FHIP1A: variants seen among roughly 807,000 people sequenced by gnomAD.
The protein encoded by FHIP1A is FHF complex subunit HOOK interacting protein 1A.
A neutral mutation model predicts 88.6 loss-of-function variants in FHIP1A; 61 were observed. The ratio of observed to expected loss-of-function variants is 0.69; its 90% CI spans 0.56 to 0.85. The LOEUF is 0.85. Ranked by LOEUF, FHIP1A falls within the 40% of genes least tolerant of loss-of-function variation. FHIP1A has a pLI of 0.00. For missense variants in FHIP1A, 1,154 were observed against 1,273.5 expected (o/e 0.91, Z 1.43); for synonymous variants, 478 against 496.0 (o/e 0.96, Z 0.48).
intron 4 of FHIP1A, among the ~76,000 whole-genome samples, chr4:151,566,789 T>C (rs2126772789): frequency 6.6e-6 from 1 of 152,298 alleles, no homozygotes; most frequent in South Asian, 2.1e-4. Context: ...TCAAATGCCT[T>C]ATGTCATTTA....
chr4:151,469,009 G>A (rs1729423007), intron 2 of FHIP1A, among the ~76,000 whole-genome samples: 1 of 152,130 alleles, frequency 6.6e-6, no homozygotes, highest in South Asian at 2.1e-4. Flanking sequence ...AGAAAAATAA[G>A]CTTTGCTTGA....
At chr4:151,519,798 C>T (rs1311425541) in intron 3 of FHIP1A, among the ~76,000 whole-genome samples, 1 of 152,064 alleles carries the variant, frequency 6.6e-6, no homozygotes, top group African/African-American at 2.4e-5. Context: ...TTCTGTTGCT[C>T]CATATCCTGG....
At chr4:151,471,129 A>G (rs1398695125) in intron 2 of FHIP1A, among the ~76,000 whole-genome samples, 3 of 152,100 alleles carry the variant, frequency 2.0e-5, no homozygotes, top group Non-Finnish European at 4.4e-5. Context: ...CTCCAGGGCC[A>G]TTTACCAATC....
chr4:151,491,929 G>T (rs1044811420), intron 3 of FHIP1A, among the ~76,000 whole-genome samples: 4 of 152,228 alleles, frequency 2.6e-5, no homozygotes, highest in Admixed American at 2.0e-4. Context: ...AATGATGAAA[G>T]AATTAGTCCA....
At chr4:151,557,615 G>T (rs566962239) in intron 3 of FHIP1A, among the ~76,000 whole-genome samples, 46 of 152,330 alleles carry the variant, frequency 3.0e-4, no homozygotes, top group African/African-American at 1.1e-3. Flanking sequence ...GAGGCTTTTG[G>T]ATAAATTAAT....
At chr4:151,569,845 C>T (rs1022546090) in intron 4 of FHIP1A, among the ~76,000 whole-genome samples, 2 of 152,086 alleles carry the variant, frequency 1.3e-5, no homozygotes, top group African/African-American at 4.8e-5. Flanking sequence ...CCTTAAATGG[C>T]CCAGTGGTGC....
At position 151,541,898 on chromosome 4, in the gene FHIP1A, C is replaced by G. The variant is rs142543014; in HGVS notation, c.-122-24240C>G. Among the ~76,000 whole-genome samples the G allele has an allele frequency of 1.8e-3, 268 of 152,276 alleles. 2 individuals are homozygous for G. Among genetic ancestry groups the G allele is most frequent in the African/African-American group, 6.3e-3 (260 of 41,560 alleles). Reference sequence around the variant, plus strand: ...TACTACAGTACGCCTTTTCGGTCATCAAGCATTGCTTATGCAGAGTACAAT... The same window carrying G: ...TACTACAGTACGCCTTTTCGGTCATGAAGCATTGCTTATGCAGAGTACAAT... On this transcript the variant is annotated intron_variant, in intron 3 of 13. Transcript: ENST00000435205.
chr4:151,602,946 G>A (rs1471494993), intron 7 of FHIP1A, among the ~76,000 whole-genome samples: 1 of 152,194 alleles, frequency 6.6e-6, no homozygotes, highest in Non-Finnish European at 1.5e-5. Flanking sequence ...AGAGATGACT[G>A]CTTCTCCCTT....
chr4:151,649,178 T>C (rs982803264), intron 10 of FHIP1A, among the ~76,000 whole-genome samples: 1 of 152,250 alleles, frequency 6.6e-6, no homozygotes, highest in African/African-American at 2.4e-5. Flanking sequence ...TCATCAGCTC[T>C]TCTTTCTCTA....
At chr4:151,491,469 A>G (rs1730279235) in intron 3 of FHIP1A, among the ~76,000 whole-genome samples, 1 of 152,220 alleles carries the variant, frequency 6.6e-6, no homozygotes, top group Non-Finnish European at 1.5e-5. Context: ...AGCAAGCACT[A>G]TAAGAAATGC....
chr4:151,431,698 T>C (rs1052319456), intron 1 of FHIP1A, among the ~76,000 whole-genome samples: 1 of 152,228 alleles, frequency 6.6e-6, no homozygotes, highest in Non-Finnish European at 1.5e-5. Flanking sequence ...ATTAATACTT[T>C]CTAAACATAA....
At chr4:151,594,542 G>A (rs1004477914) in intron 7 of FHIP1A, among the ~76,000 whole-genome samples, 6 of 150,894 alleles carry the variant, frequency 4.0e-5, no homozygotes, top group Admixed American at 4.0e-4. Context: ...TCTTATTGTA[G>A]TTTGTATTTC....
chr4:151,585,990 TCTAA>T (rs764650123), intron 5 of FHIP1A, among the ~76,000 whole-genome samples: 8 of 152,120 alleles, frequency 5.3e-5, no homozygotes, highest in Non-Finnish European at 8.8e-5. Context: ...TGTCATCACA[TCTAA>T]CTAACTGATT....
chr4:151,490,552 A>C (rs111272182), intron 3 of FHIP1A, among the ~76,000 whole-genome samples: 2,187 of 152,286 alleles, frequency 0.014, 48 homozygotes, highest in African/African-American at 0.051. Flanking sequence ...AGTCTCCCCA[A>C]ATAAGAGGGA....
intron 7 of FHIP1A, among the ~76,000 whole-genome samples, chr4:151,622,319 CCCTTTAT>C (rs1418912959): frequency 2.0e-5 from 3 of 152,094 alleles, no homozygotes; most frequent in African/African-American, 7.2e-5. Flanking sequence ...GGTGGAATCT[CCCTTTAT>C]AATGAGGAGT....
intron 4 of FHIP1A, among the ~76,000 whole-genome samples, chr4:151,571,727 G>A (rs547269952): frequency 6.6e-6 from 1 of 152,284 alleles, no homozygotes; most frequent in African/African-American, 2.4e-5. Flanking sequence ...GGACGTATTA[G>A]AGAACTCTGA....
chr4:151,443,368 A>T (rs1266270883), intron 1 of FHIP1A, among the ~76,000 whole-genome samples: 2 of 152,106 alleles, frequency 1.3e-5, no homozygotes, highest in Non-Finnish European at 2.9e-5. Context: ...CCCAGGCTGG[A>T]TCGCAATGGT....
chr4:151,584,782 C>G (rs1734145253), intron 5 of FHIP1A, among the ~76,000 whole-genome samples: 1 of 152,124 alleles, frequency 6.6e-6, no homozygotes, highest in African/African-American at 2.4e-5. Flanking sequence ...TCTCTTAGTT[C>G]CTGGAGAATA....
intron 7 of FHIP1A, among the ~76,000 whole-genome samples, chr4:151,592,868 T>C (rs1055412265): frequency 6.6e-6 from 1 of 152,158 alleles, no homozygotes; most frequent in African/African-American, 2.4e-5. Flanking sequence ...ATTGCCTAGG[T>C]TTTCTTCTAG....
Sources: gnomAD v4.1 joint callset for allele counts (sites outside exome capture counted in the v4.1 genomes callset) on GRCh38, gnomAD v4.1.1 for gene constraint, MANE v1.5 for transcripts, NCBI Gene and HGNC (gene_info 2026-07-23, HGNC 2026-07-21) for gene names.